LRRC49: variants seen among roughly 807,000 people sequenced by gnomAD.
LRRC49 encodes leucine-rich repeat-containing protein 49.
Under a neutral mutation model 83.3 loss-of-function variants are expected in LRRC49, and 50 were observed. The ratio of observed to expected loss-of-function variants is 0.60; its 90% confidence interval spans 0.48 to 0.76. The LOEUF (loss-of-function observed/expected upper bound fraction) is 0.76, where lower values mean the gene tolerates loss of function less well. LRRC49 is among the 30% of genes least tolerant of loss of function. The probability of loss-of-function intolerance (pLI) is 0.00; values close to 1 mark genes in which losing one functional copy is unlikely to be tolerated. For synonymous variants in LRRC49, 286 were observed against 283.3 expected (o/e 1.01, Z -0.10); for missense variants, 704 against 809.1 (o/e 0.87, Z 1.58).
intron 5 of LRRC49, chr15:70,907,705 TG>T (rs1441855343): frequency 3.8e-5 from 10 of 264,436 alleles, no homozygotes; most frequent in African/African-American, 1.8e-4. Flanking sequence ...GTCTTTATCC[TG>T]GCATCAGTAA....
chr15:70,974,608 A>G (rs2037137984), intron 9 of LRRC49, among the ~76,000 whole-genome samples: 1 of 152,192 alleles, frequency 6.6e-6, no homozygotes. Flanking sequence ...AAGTATCTCC[A>G]TAGTCTAGAA....
At chr15:70,976,297 C>T (rs1185174424) in intron 9 of LRRC49, among the ~76,000 whole-genome samples, 3 of 152,042 alleles carry the variant, frequency 2.0e-5, no homozygotes, top group Non-Finnish European at 2.9e-5. Context: ...GTTTTGTTTG[C>T]TAAAAGTGAT....
chr15:71,016,474 A>C (rs2038830841), intron 14 of LRRC49, among the ~76,000 whole-genome samples: 1 of 152,078 alleles, frequency 6.6e-6, no homozygotes, highest in Non-Finnish European at 1.5e-5. Flanking sequence ...GAAATACCAA[A>C]GTAAGGCAAA....
At chr15:70,900,296 G>A (rs1000598042) in intron 3 of LRRC49, 6 of 368,054 alleles carry the variant, frequency 1.6e-5, no homozygotes, top group African/African-American at 8.5e-5. Context: ...CCCTAACTAC[G>A]GTATGCTAGA....
At chr15:70,929,658 G>C (rs954891859) in intron 7 of LRRC49, among the ~76,000 whole-genome samples, 8 of 152,188 alleles carry the variant, frequency 5.3e-5, no homozygotes, top group African/African-American at 1.9e-4. Flanking sequence ...CTTACAGTAA[G>C]ACTTCTTTCA....
intron 2 of LRRC49, among the ~76,000 whole-genome samples, chr15:70,893,893 T>C (rs1330313190): frequency 6.6e-6 from 1 of 151,248 alleles, no homozygotes; most frequent in East Asian, 1.9e-4. Flanking sequence ...CATTTACACT[T>C]TTTTTTTTCT....
At chr15:70,912,664 A>T (rs963937580) in intron 6 of LRRC49, among the ~76,000 whole-genome samples, 10 of 150,650 alleles carry the variant, frequency 6.6e-5, no homozygotes, top group African/African-American at 1.2e-4. Context: ...TTCTATATTT[A>T]TTTTATTTAT....
At chr15:70,954,103 C>G (rs1355141164) in intron 8 of LRRC49, among the ~76,000 whole-genome samples, 3 of 152,150 alleles carry the variant, frequency 2.0e-5, no homozygotes, top group African/African-American at 7.2e-5. Flanking sequence ...CCATGTTGGA[C>G]AGGCTGGTCT....
At chr15:70,906,129 G>A (rs1015534753) in intron 5 of LRRC49, among the ~76,000 whole-genome samples, 29 of 140,008 alleles carry the variant, frequency 2.1e-4, no homozygotes, top group Admixed American at 4.6e-4. Context: ...ATGGAGTCTC[G>A]CACTGTCACC....
chr15:70,936,748 T>A lies in LRRC49; in HGVS notation c.712-13T>A. On this transcript the variant is annotated splice_polypyrimidine_tract_variant and intron_variant, in intron 7 of 15. Coordinates refer to ENST00000260382, the MANE Select transcript of LRRC49 (RefSeq NM_017691.5). ...TTTCATCTGATTAAGTTTTGCTGTC[T>A]ATTTTCTTCCAGAGAGATGTGGATA... 6.3e-7 allele frequency: 1 copy of A among 1,578,914 alleles called. No homozygotes were observed. The highest frequency in any genetic ancestry group is 8.7e-7 in the Non-Finnish European group (1 of 1,148,810).
chr15:70,973,586 C>A (rs1017459759), intron 9 of LRRC49, among the ~76,000 whole-genome samples: 1 of 152,142 alleles, frequency 6.6e-6, no homozygotes, highest in Admixed American at 6.5e-5. Context: ...TGCCCACAAC[C>A]GCCACTTCCC....
intron 7 of LRRC49, among the ~76,000 whole-genome samples, chr15:70,934,874 C>G (rs2141155397): frequency 6.6e-6 from 1 of 152,252 alleles, no homozygotes; most frequent in East Asian, 1.9e-4. Context: ...CAGGAAGAAT[C>G]TGGGAGAAGA....
intron 7 of LRRC49, among the ~76,000 whole-genome samples, chr15:70,926,536 A>G (rs1596027951): frequency 6.6e-6 from 1 of 151,992 alleles, no homozygotes; most frequent in South Asian, 2.1e-4. Flanking sequence ...TTTTTATTAT[A>G]CTTTAAGTTT....
chr15:70,916,086 A>T (rs117852680), intron 6 of LRRC49, among the ~76,000 whole-genome samples: 1 of 152,144 alleles, frequency 6.6e-6, no homozygotes, highest in Non-Finnish European at 1.5e-5. Context: ...ATTCATTTTA[A>T]TGTTCATCAG....
chr15:70,891,928 G>A (rs746983679), upstream of LRRC49: 1 of 1,613,798 alleles, frequency 6.2e-7, no homozygotes, highest in South Asian at 1.1e-5. Flanking sequence ...TGGCTGCCTG[G>A]AGCTCTCCTC....
chr15:70,860,902 G>T (rs2088195749), intron 1 of LRRC49, among the ~76,000 whole-genome samples: 1 of 152,164 alleles, frequency 6.6e-6, no homozygotes, highest in African/African-American at 2.4e-5. Context: ...AATAGGATGT[G>T]AACAGAAAGG....
At chr15:70,892,238 T>C (rs560378845), upstream of LRRC49, 62 of 1,587,254 alleles carry the variant, frequency 3.9e-5, no homozygotes, top group East Asian at 3.9e-4. Context: ...CTTGGTGGTG[T>C]TGCCGCAGTG....
chr15:70,886,930 A>C (rs555750610), intron 2 of LRRC49, among the ~76,000 whole-genome samples: 1 of 152,254 alleles, frequency 6.6e-6, no homozygotes, highest in South Asian at 2.1e-4. Flanking sequence ...GAAAAAGCAA[A>C]AATTACCTCA....
chr15:70,947,276 T>C (rs1370826273), intron 8 of LRRC49, among the ~76,000 whole-genome samples: 1 of 152,170 alleles, frequency 6.6e-6, no homozygotes, highest in Non-Finnish European at 1.5e-5. Context: ...TCCTTTACAA[T>C]TTCATTAAAA....
Sources: allele counts gnomAD v4.1 joint callset (sites outside exome capture counted in the v4.1 genomes callset), GRCh38; gene constraint gnomAD v4.1.1; transcripts MANE v1.5; gene names NCBI Gene and HGNC (gene_info 2026-07-23, HGNC 2026-07-21).